Variants in CRB1 observed in about 807,000 individuals in gnomAD.
CRB1 encodes protein crumbs homolog 1.
CRB1 carries 83 observed loss-of-function variants against 120.0 expected under a neutral mutation model. The ratio of observed to expected loss-of-function variants is 0.69; its 90% CI spans 0.58 to 0.83. The LOEUF (loss-of-function observed/expected upper bound fraction) is 0.83. Ranked by LOEUF, CRB1 falls within the 40% of genes least tolerant of loss-of-function variation. The pLI, the probability that CRB1 is intolerant of heterozygous loss-of-function variation, is 0.00. For synonymous variants in CRB1, 625 were observed against 612.5 expected, an observed-to-expected ratio of 1.02 and a Z score of -0.30; for missense variants, 1,699 against 1,687.6, an observed-to-expected ratio of 1.01 and a Z score of -0.12.
intron 2 of CRB1, among the ~76,000 whole-genome samples, chr1:197,333,465 T>C (rs1167746400): frequency 6.6e-6 from 1 of 152,232 alleles, no homozygotes; most frequent in Non-Finnish European, 1.5e-5. Context: ...ATTAGCCAGA[T>C]TGATTAATGT....
At chr1:197,306,903 A>G (rs1657206379) in intron 1 of CRB1, among the ~76,000 whole-genome samples, 1 of 152,192 alleles carries the variant, frequency 6.6e-6, no homozygotes, top group Non-Finnish European at 1.5e-5. Flanking sequence ...TTCTAGTCAC[A>G]TCATGTTGTT....
intron 2 of CRB1, among the ~76,000 whole-genome samples, chr1:197,340,311 T>C (rs955978409): frequency 6.6e-6 from 1 of 152,104 alleles, no homozygotes; most frequent in Non-Finnish European, 1.5e-5. Context: ...GCCTGGAGTC[T>C]TGAGATACAG....
chr1:197,417,766 C>T (rs953910696), intron 5 of CRB1, among the ~76,000 whole-genome samples: 1 of 152,124 alleles, frequency 6.6e-6, no homozygotes, highest in South Asian at 2.1e-4. Context: ...GTGCCCCCTT[C>T]CCCCTTTTTT....
chr1:197,289,651 AC>A (rs1656048385), intron 1 of CRB1, among the ~76,000 whole-genome samples: 1 of 151,634 alleles, frequency 6.6e-6, no homozygotes, highest in Non-Finnish European at 1.5e-5. Context: ...GAATATCAGA[AC>A]CTTTTCTTCT....
intron 5 of CRB1, among the ~76,000 whole-genome samples, chr1:197,419,160 G>A (rs920428935): frequency 6.6e-6 from 1 of 152,118 alleles, no homozygotes; most frequent in African/African-American, 2.4e-5. Context: ...AATATAGAAA[G>A]TATATGTGAC....
intron 5 of CRB1, among the ~76,000 whole-genome samples, chr1:197,393,425 A>G (rs560035215): frequency 6.6e-6 from 1 of 152,224 alleles, no homozygotes; most frequent in Admixed American, 6.6e-5. Context: ...CTCAGTAGCT[A>G]ATATTTCCAG....
chr1:197,269,100 G>A (rs993278839), intron 1 of CRB1, among the ~76,000 whole-genome samples: 4 of 152,098 alleles, frequency 2.6e-5, no homozygotes, highest in East Asian at 1.9e-4. Flanking sequence ...TAATCTTGTC[G>A]GTTCTATAGC....
At chr1:197,275,631 T>C (rs1655160813) in intron 1 of CRB1, among the ~76,000 whole-genome samples, 1 of 152,028 alleles carries the variant, frequency 6.6e-6, no homozygotes, top group Non-Finnish European at 1.5e-5. Flanking sequence ...ATTTGCCCTA[T>C]GAAATTAACT....
chr1:197,225,506 A>G, the CRB1 span, among the ~76,000 whole-genome samples: 2 of 152,198 alleles, frequency 1.3e-5, no homozygotes, highest in Non-Finnish European at 2.9e-5. Flanking sequence ...CCACAGTATA[A>G]GGCTGCATTT....
chr1:197,268,575 A>T, intron 1 of CRB1, 93 bp downstream of exon 1: 1 of 1,015,034 alleles, frequency 9.9e-7, no homozygotes, highest in Non-Finnish European at 1.5e-6. Context: ...GTTCTATAAA[A>T]TACAATGCTA....
chr1:197,237,516 A>T, the CRB1 span, among the ~76,000 whole-genome samples: 1 of 152,222 alleles, frequency 6.6e-6, no homozygotes, highest in African/African-American at 2.4e-5. Flanking sequence ...CGGTTTGAAT[A>T]TATGAATTTT....
intron 5 of CRB1, chr1:197,357,820 T>G (rs551603119): frequency 6.6e-6 from 1 of 152,382 alleles, no homozygotes; most frequent in African/African-American, 2.4e-5. Context: ...AATGTTTCAG[T>G]TTTGAAATTT....
At chr1:197,442,316 C>G (rs746184266) in intron 11 of CRB1, 24 bp downstream of exon 11, 1 of 1,614,110 alleles carries the variant, frequency 6.2e-7, no homozygotes, top group South Asian at 1.1e-5. Context: ...CCTTTTATGT[C>G]TCTCTCTTAT....
chr1:197,429,314 A>G (rs1432802558), intron 7 of CRB1, 135 bp from the exon 8 acceptor site: 9 of 1,333,304 alleles, frequency 6.8e-6, no homozygotes, highest in Non-Finnish European at 9.5e-6. Context: ...TTAGTTAACA[A>G]TGGATCTTAA....
intron 5 of CRB1, among the ~76,000 whole-genome samples, chr1:197,414,181 C>T (rs1663853914): frequency 6.6e-6 from 1 of 152,122 alleles, no homozygotes; most frequent in Admixed American, 6.5e-5. Context: ...ATAATTTCTA[C>T]TTTGATTTCT....
At chr1:197,471,360 G>A (rs141957995) in intron 11 of CRB1, among the ~76,000 whole-genome samples, 16 of 152,310 alleles carry the variant, frequency 1.1e-4, no homozygotes, top group African/African-American at 3.1e-4. Context: ...GGAGGGGGCC[G>A]TAGCTCACCA....
At chr1:197,356,241 GA>G (rs1660473205) in intron 4 of CRB1, among the ~76,000 whole-genome samples, 2 of 152,110 alleles carry the variant, frequency 1.3e-5, no homozygotes, top group African/African-American at 4.8e-5. Context: ...TAAAAGCAAA[GA>G]AAAAGTTCAA....
At chr1:197,388,004 A>C (rs76151181) in intron 5 of CRB1, among the ~76,000 whole-genome samples, 10,493 of 150,510 alleles carry the variant, frequency 0.07, 359 homozygotes, top group Middle Eastern at 0.1. Context: ...CTCTCTCTAT[A>C]TATATATATA....
At chr1:197,230,138 GATC>G in the CRB1 span, among the ~76,000 whole-genome samples, 1 of 152,170 alleles carries the variant, frequency 6.6e-6, no homozygotes, top group Non-Finnish European at 1.5e-5. Flanking sequence ...ACTTGCTTAA[GATC>G]ACTCAGCTGA....
Sources: gnomAD v4.1 joint callset for allele counts (sites outside exome capture counted in the v4.1 genomes callset) on GRCh38, gnomAD v4.1.1 for gene constraint, MANE v1.5 for transcripts, NCBI Gene and HGNC (gene_info 2026-07-23, HGNC 2026-07-21) for gene names.